TTLL6: variants seen among roughly 807,000 people sequenced by gnomAD.
The protein encoded by TTLL6 is tubulin polyglutamylase TTLL6.
A neutral mutation model predicts 96.4 loss-of-function variants in TTLL6; 75 were observed. That is an observed-to-expected ratio of 0.78 (90% CI 0.65 to 0.94). The LOEUF (loss-of-function observed/expected upper bound fraction) is 0.94. TTLL6 is among the 40% of genes least tolerant of loss of function. TTLL6 has a pLI of 0.00. For missense variants in TTLL6, 1,030 were observed against 1,093.0 expected (o/e 0.94, Z 0.81); for synonymous variants, 411 against 419.4 (o/e 0.98, Z 0.24).
At chr17:48,792,504 C>T (rs1346806095) in intron 8 of TTLL6, among the ~76,000 whole-genome samples, 4 of 152,098 alleles carry the variant, frequency 2.6e-5, no homozygotes, top group Non-Finnish European at 5.9e-5. Flanking sequence ...CTCATCCAGG[C>T]AGTTTCAAAA....
chr17:48,791,905 A>T (rs2039232782), intron 8 of TTLL6, among the ~76,000 whole-genome samples: 1 of 152,188 alleles, frequency 6.6e-6, no homozygotes, highest in Non-Finnish European at 1.5e-5. Context: ...AGGGGAAGGG[A>T]TGAGTCAAGA....
intron 13 of TTLL6, among the ~76,000 whole-genome samples, chr17:48,774,365 T>C (rs982322389): frequency 6.6e-6 from 1 of 151,080 alleles, no homozygotes; most frequent in Admixed American, 6.6e-5. Context: ...GGTTTCACCG[T>C]GTTGCCCAGG....
intron 1 of TTLL6, among the ~76,000 whole-genome samples, 184 bp from the exon 2 acceptor site, chr17:48,805,175 AT>A (rs1411729967): frequency 2.6e-5 from 4 of 152,178 alleles, no homozygotes; most frequent in Non-Finnish European, 4.4e-5. Flanking sequence ...ACCTTTTGCC[AT>A]TGGCTGTGAC....
chr17:48,771,875 G>A (rs2038754666), intron 13 of TTLL6, among the ~76,000 whole-genome samples: 1 of 151,908 alleles, frequency 6.6e-6, no homozygotes, highest in South Asian at 2.1e-4. Flanking sequence ...GGGTGTTTGA[G>A]ACCAGCCTAG....
At chr17:48,784,224 T>C (rs1184767765) in intron 13 of TTLL6, among the ~76,000 whole-genome samples, 2 of 152,050 alleles carry the variant, frequency 1.3e-5, no homozygotes, top group Non-Finnish European at 2.9e-5. Flanking sequence ...CTGGGCAACA[T>C]GGTGAAACCT....
rs747941982 is a variant in TTLL6 at position 48,791,563 on chromosome 17, A to C, written c.1039T>G (p.Tyr347Asp). The change falls in exon 9 of 16, where the codon TAC (tyrosine) becomes GAC (aspartate). Residue 347 changes from tyrosine (Y) to aspartate (D), a missense_variant. By Grantham distance (160) the Tyr-to-Asp change is radical (BLOSUM62 -3). Coordinates refer to ENST00000393382, the MANE Select transcript of TTLL6 (RefSeq NM_001130918.3). ...TCCCTCCATATCTGCTCCACGTTGT[A>C]GCTGTGGTCCTCCAAGTATGCACTG... ...TFSAYLEDHS[Y>D]NVEQIWRDIE... The C allele has an allele frequency of 3.1e-6, 5 of 1,613,996 alleles. No individual in the cohort carries two copies. The South Asian group carries it at 5.5e-5, about 18-fold the overall frequency.
intron 3 of TTLL6, among the ~76,000 whole-genome samples, chr17:48,802,558 G>T (rs574814816): frequency 6.6e-6 from 1 of 152,292 alleles, no homozygotes; most frequent in South Asian, 2.1e-4. Flanking sequence ...CTACCCTAAA[G>T]CATTCAATTC....
Position 48,770,011 on chromosome 17 carries a change from G to A in TTLL6, c.2127C>T (p.Ala709=), listed in dbSNP as rs779999372. The A allele has an allele frequency of 6.2e-7, 1 of 1,614,182 alleles. No individual in the cohort carries two copies. The highest frequency in any genetic ancestry group is 8.5e-7 in the Non-Finnish European group (1 of 1,180,040). Residue 709 remains alanine, a synonymous_variant, in exon 14 of 16, where the codon GCC becomes GCT. Coordinates refer to ENST00000393382, the MANE Select transcript of TTLL6 (RefSeq NM_001130918.3). ...PKSPPTLAVT[A]SSEYSGPETD... Reference sequence around the variant, plus strand: ...TCTCTGGGCCACTGTACTCAGAGCTGGCGGTCACAGCCAGGGTTGGCGGAG... The same window carrying A: ...TCTCTGGGCCACTGTACTCAGAGCTAGCGGTCACAGCCAGGGTTGGCGGAG...
intron 1 of TTLL6, among the ~76,000 whole-genome samples, chr17:48,813,314 C>T (rs907128568): frequency 8.9e-5 from 13 of 146,716 alleles, no homozygotes; most frequent in African/African-American, 3.0e-4. Context: ...TCAGCACTTT[C>T]GGAGGCCAAG....
At position 48,796,253 on chromosome 17, in the gene TTLL6, G is replaced by C. The variant is rs1002984800; in HGVS notation, c.913-107C>G. 4.5e-6 allele frequency: 4 copies of C among 880,892 alleles called. No individual in the cohort carries two copies. In the African/African-American group the frequency reaches 6.8e-5, roughly 15 times the overall value. 54.6% of individuals were successfully genotyped at this position (880,892 alleles called of 1,614,324 possible). On this transcript the variant is annotated intron_variant, in intron 7 of 15. Coordinates refer to ENST00000393382, the MANE Select transcript of TTLL6 (RefSeq NM_001130918.3). ...TGGGGCTTGAAGGGATGGAAAGAAA[G>C]GGAAGTTTTAGGGCTTATTTAGTGT...
At chr17:48,796,267 CTTAT>C in intron 7 of TTLL6, 121 bp from the exon 8 acceptor site, 2 of 720,280 alleles carry the variant, frequency 2.8e-6, no homozygotes, top group Non-Finnish European at 4.5e-6. Context: ...AGTTTTAGGG[CTTAT>C]TTAGTGTGGC....
chr17:48,800,039 C>T, intron 5 of TTLL6: 1 of 401,070 alleles, frequency 2.5e-6, no homozygotes, highest in Non-Finnish European at 4.6e-6. Context: ...TCAACTTCAT[C>T]ATCTATACAG....
chr17:48,790,578 A>C (rs2039199055), intron 9 of TTLL6, among the ~76,000 whole-genome samples: 1 of 152,178 alleles, frequency 6.6e-6, no homozygotes, highest in African/African-American at 2.4e-5. Flanking sequence ...TGGAGGCACC[A>C]TGTGACATTT....
rs1366545946 is a variant in TTLL6, at chr17:48,786,864, C to T, written c.1590-529G>A. Among the ~76,000 whole-genome samples the T allele has an allele frequency of 2.9e-5, 4 of 136,128 alleles. No individual in the cohort carries two copies. The South Asian group carries it at 6.8e-4, about 23-fold the overall frequency. 89.3% of individuals were successfully genotyped at this position (136,128 alleles called of 152,430 possible). The stretch of plus-strand genomic sequence containing the variant: ...TTTTTTTTTTTTTGAGATGGAGTCT[C>T]GCTCTGTCCCCCAGGCTGGAGTGCA... On this transcript the variant is annotated intron_variant, in intron 11 of 15. Transcript: ENST00000393382.
chr17:48,813,596 G>A (rs1188163540), intron 1 of TTLL6, among the ~76,000 whole-genome samples: 1 of 152,040 alleles, frequency 6.6e-6, no homozygotes, highest in East Asian at 1.9e-4. Flanking sequence ...AAAATAATCA[G>A]TTGGTCCCAC....
intron 13 of TTLL6, among the ~76,000 whole-genome samples, chr17:48,774,466 A>C (rs1419876479): frequency 2.0e-5 from 3 of 151,876 alleles, no homozygotes; most frequent in African/African-American, 7.3e-5. Context: ...GCCCGGCCCA[A>C]AATCTAGTTT....
At chr17:48,795,458 G>C (rs532158246) in intron 8 of TTLL6, among the ~76,000 whole-genome samples, 1 of 152,006 alleles carries the variant, frequency 6.6e-6, no homozygotes, top group Non-Finnish European at 1.5e-5. Context: ...CCTTCACCTG[G>C]TCAAGTTCAC....
At chr17:48,790,755 CCA>C (rs763249401) in intron 9 of TTLL6, among the ~76,000 whole-genome samples, 6 of 152,190 alleles carry the variant, frequency 3.9e-5, no homozygotes, top group Admixed American at 6.5e-5. Context: ...GTTCTCCACC[CCA>C]GAGTCTGACC....
In TTLL6 at chr17:48,796,024, G is replaced by A. The variant is rs776794070; in HGVS notation, c.998+37C>T. Reference sequence around the variant, plus strand: ...ATCCCAGAAAGCAGTTCTGAGGTTGGTAGGGAAAGGAAAGAAAAATGAAGC... The same window carrying A: ...ATCCCAGAAAGCAGTTCTGAGGTTGATAGGGAAAGGAAAGAAAAATGAAGC... On this transcript the variant is annotated intron_variant, in intron 8 of 15. Transcript: ENST00000393382. 23 of 1,508,004 alleles carry A rather than the reference G, an allele frequency of 1.5e-5. No homozygotes were observed. The African/African-American group carries it at 2.1e-4, about 14-fold the overall frequency. The allele number at this position is 1,508,004 out of a possible 1,614,324, so 93.4% of individuals were successfully genotyped here.
Sources: gnomAD v4.1 joint callset for allele counts (sites outside exome capture counted in the v4.1 genomes callset) on GRCh38, gnomAD v4.1.1 for gene constraint, MANE v1.5 for transcripts, NCBI Gene and HGNC (gene_info 2026-07-23, HGNC 2026-07-21) for gene names.